Variants in ERBIN observed in about 807,000 individuals in gnomAD.
The protein encoded by ERBIN is densin-180-like protein.
In ERBIN, 60 loss-of-function variants were observed where a neutral mutation model predicts 158.4. The ratio of observed to expected loss-of-function variants is 0.38; its 90% CI spans 0.31 to 0.47. The LOEUF is 0.47. Among genes scored for constraint, ERBIN ranks in the 20% least tolerant of loss-of-function variants. ERBIN has a pLI of 0.99. For missense variants in ERBIN, 1,610 were observed against 1,648.0 expected (o/e 0.98, Z 0.40); for synonymous variants, 594 against 557.2 (o/e 1.07, Z -0.93).
intron 1 of ERBIN, among the ~76,000 whole-genome samples, chr5:65,985,632 A>G (rs1004537997): frequency 1.6e-4 from 24 of 152,318 alleles, no homozygotes; most frequent in African/African-American, 5.3e-4. Context: ...AAAATTATCA[A>G]TGAGCTCCTC....
intron 1 of ERBIN, among the ~76,000 whole-genome samples, chr5:65,950,377 G>A (rs1370290607): frequency 6.6e-6 from 1 of 152,064 alleles, no homozygotes; most frequent in Non-Finnish European, 1.5e-5. Flanking sequence ...GTACTGGTTG[G>A]ATATTTTGTA....
chr5:66,024,357 A>T lies in ERBIN; in HGVS notation c.724A>T (p.Ile242Phe). The T allele has an allele frequency of 6.3e-7, 1 of 1,591,366 alleles. No homozygotes were observed. Among genetic ancestry groups the T allele is most frequent in the African/African-American group, 1.3e-5 (1 of 74,202 alleles). Reference protein sequence around the residue: ...LTYLDVSKNNIEMVEEGISTC... With the variant: ...LTYLDVSKNNFEMVEEGISTC... ...ATATTTGGATGTTTCTAAAAATAATATTGAAATGGTTGAAGAAGGAATTTC... is the reference window on the plus strand; with the variant it reads ...ATATTTGGATGTTTCTAAAAATAATTTTGAAATGGTTGAAGAAGGAATTTC... Residue 242 changes from isoleucine (I) to phenylalanine (F), a missense_variant, in exon 10 of 26, where the codon ATT becomes TTT. Around this residue, in one of 2 missense-constraint regions of ERBIN, gnomAD observed 596 missense variants for 711.9 expected, o/e 0.84. Coordinates refer to ENST00000284037, the MANE Select transcript of ERBIN (RefSeq NM_001253697.2).
In ERBIN at chr5:66,078,783, C is replaced by A; in HGVS notation, c.*253C>A. 1 of 421,058 alleles carries A rather than the reference C, an allele frequency of 2.4e-6. No homozygotes were observed. Among genetic ancestry groups the A allele is most frequent in the Non-Finnish European group, 4.2e-6 (1 of 238,514 alleles). 26.1% of individuals were successfully genotyped at this position (421,058 alleles called of 1,614,324 possible). A position where few individuals can be genotyped will look rare whatever the true frequency, so the allele number is the denominator to read the frequency against. On this transcript the variant is annotated 3_prime_UTR_variant, in exon 26 of 26. Transcript: ENST00000284037. ...AACATAGCAATCAAGGCTACAAAAA[C>A]AAACCTGTGTTGTTTTTGTATAGAT...
chr5:65,989,867 CTCAGTA>C (rs1220125786), intron 2 of ERBIN, among the ~76,000 whole-genome samples: 1 of 129,984 alleles, frequency 7.7e-6, no homozygotes, highest in African/African-American at 2.5e-5. Flanking sequence ...GTCCTCCTAA[CTCAGTA>C]TCAGTTGTAT....
At chr5:65,957,721 G>A (rs533568507) in intron 1 of ERBIN, among the ~76,000 whole-genome samples, 9 of 152,346 alleles carry the variant, frequency 5.9e-5, no homozygotes, top group Admixed American at 5.2e-4. Flanking sequence ...TTCTCAATGA[G>A]CTGTTGGGTA....
At chr5:66,027,692 T>C in intron 13 of ERBIN, among the ~76,000 whole-genome samples, 1 of 152,182 alleles carries the variant, frequency 6.6e-6, no homozygotes, top group African/African-American at 2.4e-5. Flanking sequence ...ATGCAAATAC[T>C]ATACAATTTT....
chr5:65,993,572 A>G (rs1318095981), intron 3 of ERBIN, among the ~76,000 whole-genome samples: 1 of 151,984 alleles, frequency 6.6e-6, no homozygotes, highest in Non-Finnish European at 1.5e-5. Flanking sequence ...ATTATCCTAT[A>G]CCAGTTAAAT....
At chr5:66,046,679 T>C (rs1312305563) in intron 18 of ERBIN, 141 bp downstream of exon 18, 4 of 635,086 alleles carry the variant, frequency 6.3e-6, no homozygotes, top group African/African-American at 3.6e-5. Context: ...TGCAAAAATA[T>C]CACTCACTTG....
intron 13 of ERBIN, among the ~76,000 whole-genome samples, chr5:66,027,378 G>C (rs1444162996): frequency 2.0e-5 from 3 of 151,976 alleles, no homozygotes; most frequent in Non-Finnish European, 4.4e-5. Context: ...AGACTAGTTA[G>C]GTATAAGATA....
intron 23 of ERBIN, among the ~76,000 whole-genome samples, chr5:66,075,745 G>C (rs951709713): frequency 6.6e-6 from 1 of 152,050 alleles, no homozygotes; most frequent in Non-Finnish European, 1.5e-5. Context: ...TCTGGTGAAA[G>C]GGAGTGTTTT....
chr5:65,978,635 A>G (rs1297443342), intron 1 of ERBIN, among the ~76,000 whole-genome samples: 10 of 152,214 alleles, frequency 6.6e-5, no homozygotes, highest in Non-Finnish European at 1.5e-4. Flanking sequence ...ATGGAGAGAC[A>G]TTGAAGGGAT....
rs573983643 is a variant in ERBIN at position 66,004,850 on chromosome 5, G to A, written c.308-7199G>A. On this transcript the variant is annotated intron_variant, in intron 4 of 25. Coordinates refer to ENST00000284037, the MANE Select transcript of ERBIN (RefSeq NM_001253697.2). ...AGAAGCTATTTTGTAAGGTGTGAGC[G>A]TCTATAGCATGTGTGAGGACTGTTC... 1.4e-3 allele frequency among the ~76,000 whole-genome samples: 210 copies of A among 152,250 alleles called. 1 individual carries two copies. Among genetic ancestry groups the A allele is most frequent in the Non-Finnish European group, 2.4e-3 (163 of 68,028 alleles).
chr5:65,928,509 T>G (rs1041992558), intron 1 of ERBIN, among the ~76,000 whole-genome samples: 1 of 152,194 alleles, frequency 6.6e-6, no homozygotes, highest in Non-Finnish European at 1.5e-5. Context: ...TTACAGAGAA[T>G]TATCGCTTTA....
chr5:65,961,901 C>T (rs572993392), intron 1 of ERBIN, among the ~76,000 whole-genome samples: 4 of 152,152 alleles, frequency 2.6e-5, no homozygotes, highest in African/African-American at 9.6e-5. Context: ...TAATGAGGTG[C>T]CTTACATAGT....
intron 1 of ERBIN, among the ~76,000 whole-genome samples, chr5:65,958,466 C>T (rs186644782): frequency 6.6e-6 from 1 of 152,102 alleles, no homozygotes; most frequent in African/African-American, 2.4e-5. Flanking sequence ...CAAAAAAATA[C>T]GAAAACCAGT....
intron 21 of ERBIN, among the ~76,000 whole-genome samples, chr5:66,071,703 A>G (rs1390721620): frequency 6.6e-6 from 1 of 150,772 alleles, no homozygotes; most frequent in East Asian, 1.9e-4. Flanking sequence ...GTACTGTTCT[A>G]TTGAAAGAAC....
intron 9 of ERBIN, 108 bp from the exon 10 acceptor site, chr5:66,024,198 T>A: frequency 1.4e-6 from 1 of 726,746 alleles, no homozygotes; most frequent in Non-Finnish European, 2.2e-6. Context: ...TTCTTTCTTG[T>A]ATTAGCATTT....
chr5:66,014,731 T>TA lies in ERBIN; in HGVS notation c.533+9dup, dbSNP rs768386911. 7.2e-7 allele frequency: 1 copy of TA among 1,383,168 alleles called. No homozygotes were observed. Among genetic ancestry groups the TA allele is most frequent in the Non-Finnish European group, 9.8e-7 (1 of 1,017,844 alleles). The allele number at this position is 1,383,168 out of a possible 1,614,324, so 85.7% of individuals were successfully genotyped here. On this transcript the variant is annotated splice_region_variant and intron_variant, in intron 7 of 25. Coordinates refer to ENST00000284037, the MANE Select transcript of ERBIN (RefSeq NM_001253697.2). ...CAGTTAAAAATGTTGCCTAAGTAAG[T>TA]AAAGGTGCTATTCTTTAAAAAACTT...
chr5:66,063,714 A>C (rs1288074341), intron 21 of ERBIN, among the ~76,000 whole-genome samples: 3 of 152,210 alleles, frequency 2.0e-5, no homozygotes, highest in Non-Finnish European at 4.4e-5. Flanking sequence ...ATTTTTAAAA[A>C]GTGAAGATAG....
Sources: allele counts gnomAD v4.1 joint callset (sites outside exome capture counted in the v4.1 genomes callset), GRCh38; gene constraint gnomAD v4.1.1; regional missense constraint gnomAD v4.1.1; transcripts MANE v1.5; gene names NCBI Gene and HGNC (gene_info 2026-07-23, HGNC 2026-07-21).